The following EPHA6 variants were observed in gnomAD, a reference collection of about 807,000 sequenced individuals.
The protein encoded by EPHA6 is ephrin type-A receptor 6.
In EPHA6, 50 loss-of-function variants were observed where a neutral mutation model predicts 112.0. That is an observed-to-expected ratio of 0.45 (90% CI 0.36 to 0.56). The LOEUF is 0.56. EPHA6 is among the 20% of genes least tolerant of loss of function. EPHA6 has a pLI of 0.00. For synonymous variants in EPHA6, 529 were observed against 490.7 expected (o/e 1.08, Z -1.03); for missense variants, 1,280 against 1,417.4 (o/e 0.90, Z 1.56).
chr3:97,721,109 T>A (rs912458726), intron 15 of EPHA6, among the ~76,000 whole-genome samples: 4 of 152,198 alleles, frequency 2.6e-5, no homozygotes, highest in African/African-American at 9.6e-5. Flanking sequence ...AAATTCAGGC[T>A]TTGTCTACTC....
intron 3 of EPHA6, among the ~76,000 whole-genome samples, chr3:97,001,823 A>G (rs996865368): frequency 6.6e-6 from 1 of 152,038 alleles, no homozygotes; most frequent in African/African-American, 2.4e-5. Context: ...TGAGACCGTA[A>G]AAACAAGCTC....
intron 2 of EPHA6, among the ~76,000 whole-genome samples, chr3:96,946,683 T>A (rs1410763399): frequency 6.6e-6 from 1 of 152,234 alleles, no homozygotes; most frequent in Non-Finnish European, 1.5e-5. Context: ...CCTTTGGGTA[T>A]ATACCCAGTA....
rs193225357 is a variant in EPHA6 at position 97,739,637 on chromosome 3, C to T, written c.3128+3519C>T. ...CATAGAAGGCTTTCATTATTTGGTG[C>T]AGCAAATATTCTTGTGCCTGACACA... is the stretch of plus-strand genomic sequence containing the variant. On this transcript the variant is annotated intron_variant, in intron 16 of 17. Transcript: ENST00000389672. Among the ~76,000 whole-genome samples the T allele has an allele frequency of 1.8e-3, 280 of 152,226 alleles. 1 individual carries two copies. The highest frequency in any genetic ancestry group is 6.4e-3 in the African/African-American group (267 of 41,548).
intron 15 of EPHA6, among the ~76,000 whole-genome samples, chr3:97,724,635 C>CG (rs1559629473): frequency 6.6e-6 from 1 of 151,932 alleles, no homozygotes; most frequent in Non-Finnish European, 1.5e-5. Flanking sequence ...GGTGTGGTGG[C>CG]GCACACCTAC....
At chr3:97,155,539 A>G (rs2108386029) in intron 3 of EPHA6, among the ~76,000 whole-genome samples, 1 of 152,270 alleles carries the variant, frequency 6.6e-6, no homozygotes, top group East Asian at 1.9e-4. Flanking sequence ...ATTAACCCAC[A>G]GTCTTTTTAC....
At chr3:97,052,424 T>C (rs1365890247) in intron 3 of EPHA6, among the ~76,000 whole-genome samples, 1 of 152,118 alleles carries the variant, frequency 6.6e-6, no homozygotes, top group Non-Finnish European at 1.5e-5. Context: ...AATTTTTTTT[T>C]CTTTGTCTGT....
rs185671531 is a variant in EPHA6 at position 97,239,130 on chromosome 3, G to A, written c.1271-4822G>A. Reference sequence around the variant, plus strand: ...AGCAATCCGTTTTGCCATATGGAATGCAAAAGATTTGAAGTGTGCATACTC... The same window carrying A: ...AGCAATCCGTTTTGCCATATGGAATACAAAAGATTTGAAGTGTGCATACTC... On this transcript the variant is annotated intron_variant, in intron 4 of 17. Coordinates refer to ENST00000389672, the MANE Select transcript of EPHA6 (RefSeq NM_001080448.3). 4.7e-4 allele frequency among the ~76,000 whole-genome samples: 71 copies of A among 151,938 alleles called. 1 individual carries two copies. The highest frequency in any genetic ancestry group is 3.7e-3 in the Admixed American group (56 of 15,214).
intron 10 of EPHA6, among the ~76,000 whole-genome samples, chr3:97,501,045 G>C (rs1199227142): frequency 6.6e-6 from 1 of 152,010 alleles, no homozygotes. Context: ...AACAGTTCTG[G>C]ACTTTAGTTT....
intron 14 of EPHA6, among the ~76,000 whole-genome samples, chr3:97,664,615 G>C (rs377704259): frequency 5.0e-4 from 76 of 152,230 alleles, no homozygotes; most frequent in East Asian, 7.7e-4. Flanking sequence ...TAAGCAACTT[G>C]AGCAAATTCT....
intron 3 of EPHA6, among the ~76,000 whole-genome samples, chr3:97,048,795 A>G (rs1332683506): frequency 2.0e-5 from 3 of 152,188 alleles, no homozygotes; most frequent in African/African-American, 4.8e-5. Flanking sequence ...GAGAAAGATA[A>G]TTAACAAAAC....
chr3:96,936,393 TA>T (rs914369972), intron 2 of EPHA6, among the ~76,000 whole-genome samples: 23 of 150,840 alleles, frequency 1.5e-4, no homozygotes, highest in Admixed American at 2.7e-4. Context: ...TACATAAACC[TA>T]AAAAAAAATC....
intron 4 of EPHA6, among the ~76,000 whole-genome samples, chr3:97,238,612 C>G (rs2078750065): frequency 6.6e-6 from 1 of 151,770 alleles, no homozygotes; most frequent in South Asian, 2.1e-4. Flanking sequence ...TTGAGTGAAA[C>G]AAATTATGTG....
At chr3:97,516,064 G>C (rs911424910) in intron 10 of EPHA6, among the ~76,000 whole-genome samples, 1 of 151,906 alleles carries the variant, frequency 6.6e-6, no homozygotes, top group Non-Finnish European at 1.5e-5. Context: ...CTATGGTATC[G>C]GTATAATTTT....
chr3:97,661,580 G>A (rs1181181036), intron 14 of EPHA6, among the ~76,000 whole-genome samples: 1 of 152,044 alleles, frequency 6.6e-6, no homozygotes, highest in Non-Finnish European at 1.5e-5. Context: ...ACAAAACTGG[G>A]AGAATTGTAA....
intron 5 of EPHA6, among the ~76,000 whole-genome samples, chr3:97,261,206 T>G (rs2108619203): frequency 6.6e-6 from 1 of 152,114 alleles, no homozygotes; most frequent in South Asian, 2.1e-4. Context: ...TATGGCTAGT[T>G]GGATGAATCC....
At chr3:97,365,058 G>A (rs1015894363) in intron 5 of EPHA6, among the ~76,000 whole-genome samples, 7 of 152,100 alleles carry the variant, frequency 4.6e-5, no homozygotes, top group African/African-American at 7.2e-5. Flanking sequence ...AACTAGACCT[G>A]CTCTACTTGA....
chr3:97,718,230 ATAAAACAAGAATACTCTAG>A lies in EPHA6; in HGVS notation c.2785-2028_2785-2010del, dbSNP rs551381174. Among the ~76,000 whole-genome samples the A allele has an allele frequency of 2.8e-3, 430 of 152,342 alleles. 2 individuals carry two copies. The highest frequency in any genetic ancestry group is 5.1e-3 in the Non-Finnish European group (349 of 68,022). On this transcript the variant is annotated intron_variant, in intron 14 of 17. Transcript: ENST00000389672. ...GAGGCACTTTAGTCACAAACATACA[ATAAAACAAGAATACTCTAG>A]TATTGGTGCACAAATACAAGTAGAG...
intron 2 of EPHA6, among the ~76,000 whole-genome samples, chr3:96,924,346 C>G (rs1248377346): frequency 1.3e-5 from 2 of 152,030 alleles, no homozygotes; most frequent in Non-Finnish European, 2.9e-5. Flanking sequence ...GTAGTTCTCC[C>G]TGAAGAGGTC....
chr3:97,086,328 G>A (rs1279884526), intron 3 of EPHA6, among the ~76,000 whole-genome samples: 1 of 151,938 alleles, frequency 6.6e-6, no homozygotes, highest in Non-Finnish European at 1.5e-5. Flanking sequence ...AGCTCCTTCA[G>A]TATTTACATT....
Sources: allele counts gnomAD v4.1 joint callset (sites outside exome capture counted in the v4.1 genomes callset), GRCh38; gene constraint gnomAD v4.1.1; transcripts MANE v1.5; gene names NCBI Gene and HGNC (gene_info 2026-07-23, HGNC 2026-07-21).